The following COL16A1 variants were observed in gnomAD, a reference collection of about 807,000 sequenced individuals.
COL16A1 encodes collagen alpha-1(XVI) chain.
In COL16A1, 189 loss-of-function variants were observed where a neutral mutation model predicts 266.3. That is an observed-to-expected ratio of 0.71 (90% CI 0.63 to 0.80). The LOEUF (loss-of-function observed/expected upper bound fraction) is 0.80. COL16A1 is among the 30% of genes least tolerant of loss of function. The pLI, the probability that COL16A1 is intolerant of heterozygous loss-of-function variation, is 0.00. For synonymous variants in COL16A1, 740 were observed against 782.3 expected (o/e 0.95, Z 0.90); for missense variants, 1,928 against 2,122.4 (o/e 0.91, Z 1.80).
chr1:31,690,313 C>T, intron 22 of COL16A1, 54 bp downstream of exon 22: 2 of 1,611,062 alleles, frequency 1.2e-6, no homozygotes, highest in East Asian at 2.2e-5. Context: ...CTGTCATGTG[C>T]AGAAAGGGGG....
At chr1:31,683,849 T>C (rs1643829544) in intron 33 of COL16A1, 101 bp from the exon 34 acceptor site, 2 of 1,604,686 alleles carry the variant, frequency 1.2e-6, no homozygotes, top group Admixed American at 3.4e-5. Flanking sequence ...CCCTGCACCC[T>C]GCCTCCATTT....
rs539683406 is a variant in COL16A1 at position 31,661,127 on chromosome 1, A to G, written c.3772-8T>C. The G allele has an allele frequency of 1.2e-5, 19 of 1,561,298 alleles. No homozygotes were observed. In the South Asian group the frequency reaches 1.7e-4, roughly 14 times the overall value. On this transcript the variant is annotated splice_region_variant and splice_polypyrimidine_tract_variant and intron_variant, in intron 60 of 70. Transcript: ENST00000373672. ...TGGTTTGCCACAGTCACCCTAGAAG[A>G]GAGAGGAGCAGCTGGAGCTTACCAG...
At chr1:31,690,160 T>C (rs1243574862) in intron 22 of COL16A1, among the ~76,000 whole-genome samples, 1 of 152,230 alleles carries the variant, frequency 6.6e-6, no homozygotes, top group East Asian at 1.9e-4. Flanking sequence ...TAACCATGTG[T>C]GTGGTGGAGG....
In COL16A1 at chr1:31,679,836, A is replaced by G; in HGVS notation, c.2686T>C (p.Trp896Arg). 4 of 1,533,580 alleles carry G rather than the reference A, an allele frequency of 2.6e-6. No individual in the cohort carries two copies. The highest frequency in any genetic ancestry group is 3.5e-6 in the Non-Finnish European group (4 of 1,141,930). The allele number at this position is 1,533,580 out of a possible 1,614,324, so 95.0% of individuals were successfully genotyped here. Residue 896 changes from tryptophan to arginine, a missense_variant, in exon 41 of 71, where the codon TGG (tryptophan) becomes CGG (arginine). Trp to Arg is a moderately radical substitution (Grantham distance 101, BLOSUM62 -3). Coordinates refer to ENST00000373672, the MANE Select transcript of COL16A1 (RefSeq NM_001856.4). The part of the protein sequence containing the change: ...FSGMPGAPGL[W>R]MGSSWQPGPQ... ...CCCGGCTGCCAGGAGCTGCCCATCC[A>G]AAGTCCCGGAGCACCCTGGGTGGGA...
chr1:31,691,658 G>A lies in COL16A1; in HGVS notation c.1258-16C>T, dbSNP rs368202097. ...CTGGCCGGCCCTGTGGGGGGATAAG[G>A]GGGAGGGTGTACAAACAGCCCTGAG... is the stretch of plus-strand genomic sequence containing the variant. On this transcript the variant is annotated splice_polypyrimidine_tract_variant and intron_variant, in intron 17 of 70. Coordinates refer to ENST00000373672, the MANE Select transcript of COL16A1 (RefSeq NM_001856.4). 226 of 1,612,374 alleles carry A rather than the reference G, an allele frequency of 1.4e-4. No homozygotes were observed. The Admixed American group carries it at 1.4e-3, about 10-fold the overall frequency.
chr1:31,655,654 A>AG, intron 66 of COL16A1, 152 bp from the exon 67 acceptor site: 2 of 1,338,448 alleles, frequency 1.5e-6, no homozygotes, highest in Non-Finnish European at 2.0e-6. Flanking sequence ...ACTGCCCCAG[A>AG]GTGGTCCTTC....
intron 10 of COL16A1, among the ~76,000 whole-genome samples, 169 bp downstream of exon 10, chr1:31,695,592 C>G (rs1644461485): frequency 6.6e-6 from 1 of 152,118 alleles, no homozygotes; most frequent in Non-Finnish European, 1.5e-5. Context: ...TACCTACCCC[C>G]CAACCCAACG....
chr1:31,665,848 G>T (rs776757217), intron 54 of COL16A1, 34 bp downstream of exon 54: 1 of 1,614,052 alleles, frequency 6.2e-7, no homozygotes. Context: ...CTCCTTCCCT[G>T]CCTCCCTGCA....
chr1:31,663,080 G>C lies in COL16A1; in HGVS notation c.3556-422C>G, dbSNP rs560705686. 20 of 245,630 alleles carry C rather than the reference G, an allele frequency of 8.1e-5. No individual in the cohort carries two copies. Among genetic ancestry groups the C allele is most frequent in the Middle Eastern group, 1.5e-3 (1 of 686 alleles). The allele number at this position is 245,630 out of a possible 1,614,324, so 15.2% of individuals were successfully genotyped here. ...CCCCCATCCCAGCAGACATGGGCCC[G>C]GGCTGCACAGAGGCCTCAACAGCGC... On this transcript the variant is annotated intron_variant, in intron 56 of 70. Transcript: ENST00000373672. This position sits in a 1 kb window ranked among gnomAD's most constrained non-coding sequence, Gnocchi z 4.9.
intron 44 of COL16A1, 72 bp downstream of exon 44, chr1:31,674,935 A>G: frequency 5.0e-6 from 8 of 1,585,572 alleles, no homozygotes; most frequent in Non-Finnish European, 6.9e-6. Context: ...CACACAGCTG[A>G]GCACTTACTA....
chr1:31,652,513 T>A lies in COL16A1; in HGVS notation c.*138A>T. 9.3e-7 allele frequency: 1 copy of A among 1,078,974 alleles called. No homozygotes were observed. The highest frequency in any genetic ancestry group is 1.2e-6 in the Non-Finnish European group (1 of 807,290). 66.8% of individuals were successfully genotyped at this position (1,078,974 alleles called of 1,614,324 possible). A position where few individuals can be genotyped will look rare whatever the true frequency, so the allele number is the denominator to read the frequency against. On this transcript the variant is annotated 3_prime_UTR_variant, in exon 71 of 71. Coordinates refer to ENST00000373672, the MANE Select transcript of COL16A1 (RefSeq NM_001856.4). This position sits in a 1 kb window ranked among gnomAD's most constrained non-coding sequence, Gnocchi z 4.8. ...GGAAAGGGCAGATAGTTTTGTTTCT[T>A]TATTATTTAAAAAATATTAACAGCA... is the stretch of plus-strand genomic sequence containing the variant.
intron 54 of COL16A1, 71 bp from the exon 55 acceptor site, chr1:31,665,689 A>G (rs1333242332): frequency 1.9e-6 from 3 of 1,596,126 alleles, no homozygotes; most frequent in Non-Finnish European, 2.6e-6. Context: ...AGGTGGAAAG[A>G]GTGACGGGGG....
At chr1:31,676,289 C>T (rs764108169) in intron 42 of COL16A1, among the ~76,000 whole-genome samples, 2 of 140,714 alleles carry the variant, frequency 1.4e-5, no homozygotes, top group Non-Finnish European at 3.0e-5. Context: ...TACGCCACTA[C>T]ACTTTAGTCT....
chr1:31,692,625 C>T lies in COL16A1; in HGVS notation c.1131G>A (p.Lys377=). Reference sequence around the variant, plus strand: ...GAGCTCCTGACTCCCCCTTCTCTCCCTTCGGGCCTTCTGCACACTGAACAG... The same window carrying T: ...GAGCTCCTGACTCCCCCTTCTCTCCTTTCGGGCCTTCTGCACACTGAACAG... ...DAPLQCAEGP[K]GEKGESGALG... is the part of the protein sequence containing the mutation. The change falls in exon 15 of 71, where the codon AAG becomes AAA. Residue 377 remains lysine (K), a synonymous_variant. Transcript: ENST00000373672. 12 of 1,614,182 alleles carry T rather than the reference C, an allele frequency of 7.4e-6. No individual in the cohort carries two copies. The highest frequency in any genetic ancestry group is 1.0e-5 in the Non-Finnish European group (12 of 1,180,010).
intron 52 of COL16A1, among the ~76,000 whole-genome samples, chr1:31,666,658 G>C (rs1642170187): frequency 6.6e-6 from 1 of 151,916 alleles, no homozygotes; most frequent in African/African-American, 2.4e-5. Flanking sequence ...GCTGGAAGCT[G>C]TTCCTGCAGT....
At chr1:31,690,688 T>C in intron 20 of COL16A1, 115 bp from the exon 21 acceptor site, 1 of 1,472,540 alleles carries the variant, frequency 6.8e-7, no homozygotes, top group Middle Eastern at 2.4e-4. Flanking sequence ...GCCAAATCTC[T>C]TGTTGCCATT....
intron 42 of COL16A1, among the ~76,000 whole-genome samples, chr1:31,676,440 T>C (rs927852303): frequency 3.9e-5 from 6 of 152,112 alleles, no homozygotes; most frequent in African/African-American, 7.2e-5. Flanking sequence ...ACCCCTCTCT[T>C]AACCACAATT....
chr1:31,689,897 C>T (rs767815357), intron 22 of COL16A1, 46 bp from the exon 23 acceptor site: 1 of 1,570,050 alleles, frequency 6.4e-7, no homozygotes, highest in South Asian at 1.1e-5. Flanking sequence ...GGGCTGAGAC[C>T]CCAGGGAAGG....
rs184253102 is a variant in COL16A1 at position 31,694,749 on chromosome 1, G to C, written c.981+437C>G. 1.3e-3 allele frequency among the ~76,000 whole-genome samples: 197 copies of C among 152,310 alleles called. 1 individual carries two copies. Among genetic ancestry groups the C allele is most frequent in the African/African-American group, 4.2e-3 (175 of 41,572 alleles). ...GACCCCCATAGGAAGGCTGGACCAG[G>C]GCCAGCTAGAAAGAGACAGCAGGCC... On this transcript the variant is annotated intron_variant, in intron 11 of 70. Coordinates refer to ENST00000373672, the MANE Select transcript of COL16A1 (RefSeq NM_001856.4).
Sources: gnomAD v4.1 joint callset for allele counts (sites outside exome capture counted in the v4.1 genomes callset) on GRCh38, gnomAD v4.1.1 for gene constraint, Gnocchi (gnomAD v3.1) non-coding constraint, MANE v1.5 for transcripts, NCBI Gene and HGNC (gene_info 2026-07-23, HGNC 2026-07-21) for gene names.